The following RGS7 variants were observed in gnomAD, a reference collection of about 807,000 sequenced individuals.
RGS7 encodes the protein regulator of G-protein signaling 7.
Under a neutral mutation model 81.1 loss-of-function variants are expected in RGS7, and 27 were observed. The ratio of observed to expected loss-of-function variants is 0.33; its 90% CI spans 0.25 to 0.46. The LOEUF is 0.46. Among genes scored for constraint, RGS7 ranks in the 20% least tolerant of loss-of-function variants. The probability of loss-of-function intolerance (pLI) is 1.00; values close to 1 mark genes in which losing one functional copy is unlikely to be tolerated. For missense variants in RGS7, 396 were observed against 607.4 expected (o/e 0.65, Z 3.66); for synonymous variants, 208 against 207.7 (o/e 1.00, Z -0.01).
chr1:241,206,959 G>GTTTTTTTT (rs1316377329), intron 2 of RGS7, among the ~76,000 whole-genome samples: 1 of 116,390 alleles, frequency 8.6e-6, no homozygotes, highest in Non-Finnish European at 1.7e-5. Flanking sequence ...TTCTCTCTCT[G>GTTTTTTTT]GTTTTTTTTT....
rs1572154551 is a variant in RGS7, at chr1:240,802,236, C to T, written c.1359+668G>A. 2.0e-5 allele frequency among the ~76,000 whole-genome samples: 3 copies of T among 152,080 alleles called. No homozygotes were observed. The South Asian group carries it at 6.2e-4, about 32-fold the overall frequency. Reference sequence around the variant, plus strand: ...TTTTAACATTAAAAAGAATGAATGACGTTGATGTTTATGTCCAGATTTTCT... The same window carrying T: ...TTTTAACATTAAAAAGAATGAATGATGTTGATGTTTATGTCCAGATTTTCT... On this transcript the variant is annotated intron_variant, in intron 16 of 18. Transcript: ENST00000440928.
chr1:241,236,601 C>G (rs187701602), intron 2 of RGS7, among the ~76,000 whole-genome samples: 160 of 152,260 alleles, frequency 1.1e-3, no homozygotes, highest in South Asian at 4.8e-3. Flanking sequence ...CTCGAAACCA[C>G]AAGCTAAGTC....
intron 9 of RGS7, among the ~76,000 whole-genome samples, chr1:240,859,493 T>C (rs1253725175): frequency 6.7e-6 from 1 of 148,886 alleles, no homozygotes; most frequent in East Asian, 2.0e-4. Flanking sequence ...TTCAAATTTC[T>C]GGGCATAGAG....
At chr1:241,067,813 C>A (rs2062158480) in intron 3 of RGS7, among the ~76,000 whole-genome samples, 1 of 152,056 alleles carries the variant, frequency 6.6e-6, no homozygotes, top group Non-Finnish European at 1.5e-5. Flanking sequence ...CTGCACCCGG[C>A]CTACAATGAG....
intron 4 of RGS7, among the ~76,000 whole-genome samples, chr1:240,947,698 A>G (rs1678871216): frequency 6.6e-6 from 1 of 152,120 alleles, no homozygotes; most frequent in African/African-American, 2.4e-5. Flanking sequence ...TTTCATTCAC[A>G]CTTTGCCCTT....
chr1:241,147,780 T>TTATATATA (rs200770896), intron 2 of RGS7, among the ~76,000 whole-genome samples: 4,818 of 44,036 alleles, frequency 0.11, 745 homozygotes, highest in Non-Finnish European at 0.14. Context: ...AGATTAAGTT[T>TTATATATA]TATATATATA....
intron 2 of RGS7, among the ~76,000 whole-genome samples, chr1:241,328,166 T>A (rs1429182696): frequency 6.6e-6 from 1 of 152,224 alleles, no homozygotes; most frequent in African/African-American, 2.4e-5. Context: ...AAAAAAGGTC[T>A]CACCCAAGTT....
intron 2 of RGS7, among the ~76,000 whole-genome samples, chr1:241,137,438 ATTG>A (rs1169471860): frequency 6.6e-6 from 1 of 152,086 alleles, no homozygotes; most frequent in Non-Finnish European, 1.5e-5. Context: ...TGTTCCTTTT[ATTG>A]TTGTTTTAGG....
At chr1:240,882,042 G>A (rs1666494061) in intron 6 of RGS7, among the ~76,000 whole-genome samples, 1 of 152,036 alleles carries the variant, frequency 6.6e-6, no homozygotes, top group Non-Finnish European at 1.5e-5. Context: ...AGCCTCCCGA[G>A]TAGCTGGAAT....
chr1:241,094,840 T>C (rs935427170), intron 3 of RGS7, among the ~76,000 whole-genome samples: 3 of 152,218 alleles, frequency 2.0e-5, no homozygotes, highest in Non-Finnish European at 2.9e-5. Context: ...ATATGGGCAT[T>C]ACTTGGCCAC....
chr1:241,092,327 T>C (rs1010126504), intron 3 of RGS7, among the ~76,000 whole-genome samples: 9 of 152,220 alleles, frequency 5.9e-5, no homozygotes, highest in African/African-American at 2.4e-5. Flanking sequence ...TTATGCTTCA[T>C]CTGGATTTGG....
intron 2 of RGS7, among the ~76,000 whole-genome samples, chr1:241,335,342 C>T (rs1445184587): frequency 2.0e-5 from 3 of 152,140 alleles, no homozygotes; most frequent in Admixed American, 2.0e-4. Flanking sequence ...TGGATTAGTT[C>T]TATGTACTTT....
intron 2 of RGS7, among the ~76,000 whole-genome samples, chr1:241,314,141 G>A (rs935008160): frequency 1.3e-5 from 2 of 152,226 alleles, no homozygotes; most frequent in Non-Finnish European, 2.9e-5. Flanking sequence ...GCGTAGTAGG[G>A]CCTGACAGAA....
At chr1:241,313,648 A>G (rs1459718000) in intron 2 of RGS7, among the ~76,000 whole-genome samples, 1 of 152,230 alleles carries the variant, frequency 6.6e-6, no homozygotes, top group Non-Finnish European at 1.5e-5. Flanking sequence ...TAAAAACAAA[A>G]TACATTTTGT....
At chr1:241,188,855 G>C (rs1398434388) in intron 2 of RGS7, among the ~76,000 whole-genome samples, 1 of 152,198 alleles carries the variant, frequency 6.6e-6, no homozygotes, top group South Asian at 2.1e-4. Flanking sequence ...CAAATTATAT[G>C]AGGAAATACA....
At chr1:240,998,166 G>A (rs755903552) in intron 3 of RGS7, among the ~76,000 whole-genome samples, 1 of 152,096 alleles carries the variant, frequency 6.6e-6, no homozygotes, top group Non-Finnish European at 1.5e-5. Flanking sequence ...TCATGAGAAC[G>A]CTGCTGTGGT....
intron 9 of RGS7, among the ~76,000 whole-genome samples, chr1:240,850,880 G>A (rs1659980280): frequency 6.6e-6 from 1 of 152,064 alleles, no homozygotes; most frequent in South Asian, 2.1e-4. Context: ...AAGGCCCTAA[G>A]TCATCAATTC....
At position 241,117,234 on chromosome 1, in the gene RGS7, G is replaced by A. The variant is rs114643246; in HGVS notation, c.79-18472C>T. Among the ~76,000 whole-genome samples, 472 of 152,316 alleles carry A rather than the reference G, an allele frequency of 3.1e-3. 5 individuals carry two copies. The highest frequency in any genetic ancestry group is 0.011 in the African/African-American group (437 of 41,570). Reference sequence around the variant, plus strand: ...ACTATATTCCATTTGATTGCACACAGTGATACAATCCTTTACATTTCAACC... The same window carrying A: ...ACTATATTCCATTTGATTGCACACAATGATACAATCCTTTACATTTCAACC... On this transcript the variant is annotated intron_variant, in intron 2 of 18. Transcript: ENST00000440928.
intron 9 of RGS7, among the ~76,000 whole-genome samples, chr1:240,867,776 A>G (rs1473256738): frequency 6.6e-6 from 1 of 152,106 alleles, no homozygotes; most frequent in Non-Finnish European, 1.5e-5. Flanking sequence ...TGAGGCAGAC[A>G]GACTGCTTGA....
Sources: allele counts gnomAD v4.1 joint callset (sites outside exome capture counted in the v4.1 genomes callset), GRCh38; gene constraint gnomAD v4.1.1; transcripts MANE v1.5; gene names NCBI Gene and HGNC (gene_info 2026-07-23, HGNC 2026-07-21).